DICER1: variants seen among roughly 807,000 people sequenced by gnomAD.
DICER1 encodes dicer 1, ribonuclease III, also known as endoribonuclease Dicer.
In DICER1, 43 loss-of-function variants were observed where a neutral mutation model predicts 194.1. The ratio of observed to expected loss-of-function variants is 0.22; its 90% CI spans 0.17 to 0.29. DICER1 has a LOEUF of 0.29. Among genes scored for constraint, DICER1 ranks in the 10% least tolerant of loss-of-function variants. The pLI is 1.00. For missense variants in DICER1, 1,608 were observed against 2,317.0 expected (o/e 0.69, Z 6.28); for synonymous variants, 832 against 820.5 (o/e 1.01, Z -0.24).
At chr14:95,157,029 G>A (rs1895932722) in intron 1 of DICER1, among the ~76,000 whole-genome samples, 1 of 151,950 alleles carries the variant, frequency 6.6e-6, no homozygotes, top group Admixed American at 6.5e-5. Flanking sequence ...GAGCCGAGGC[G>A]GGCAGACGCC....
chr14:95,138,064 T>C (rs1480546468), intron 1 of DICER1: 1 of 154,462 alleles, frequency 6.5e-6, no homozygotes, highest in Non-Finnish European at 1.5e-5. Context: ...CAGGCCCGGT[T>C]TCACCTCAAG....
Position 95,157,363 on chromosome 14 carries a change from G to T in DICER1, c.-179C>A. ...ATTTCCTCGCGCTCGCCGTCGCCTC[G>T]TCCCCGCTGTCAGGTTACTCCATTC... On this transcript the variant is annotated 5_prime_UTR_variant, in exon 1 of 27. Transcript: ENST00000343455. The T allele has an allele frequency of 6.4e-6, 1 of 155,122 alleles. No homozygotes were observed. The highest frequency in any genetic ancestry group is 1.8e-4 in the South Asian group (1 of 5,532). 9.6% of individuals were successfully genotyped at this position (155,122 alleles called of 1,614,324 possible). A position where few individuals can be genotyped will look rare whatever the true frequency, so the allele number is the denominator to read the frequency against.
intron 22 of DICER1, among the ~76,000 whole-genome samples, chr14:95,097,485 C>T (rs916707661): frequency 6.6e-6 from 1 of 152,192 alleles, no homozygotes; most frequent in South Asian, 2.1e-4. Flanking sequence ...CAATTTCTGT[C>T]AAAAGATCTT....
intron 1 of DICER1, among the ~76,000 whole-genome samples, chr14:95,156,082 T>C (rs1895840245): frequency 6.6e-6 from 1 of 152,220 alleles, no homozygotes; most frequent in Non-Finnish European, 1.5e-5. Flanking sequence ...GGATGTATAT[T>C]TTTATTTAGA....
chr14:95,122,939 C>T (rs138861787), intron 8 of DICER1, among the ~76,000 whole-genome samples: 173 of 144,920 alleles, frequency 1.2e-3, no homozygotes, highest in African/African-American at 4.5e-3. Flanking sequence ...CGTGTACGCG[C>T]GCGCGCGCGC....
intron 1 of DICER1, among the ~76,000 whole-genome samples, chr14:95,135,155 C>CA (rs1158116445): frequency 5.9e-5 from 9 of 152,214 alleles, no homozygotes; most frequent in Non-Finnish European, 1.3e-4. Flanking sequence ...CTGACCTTCT[C>CA]ACCTGGAATC....
At chr14:95,136,828 T>C (rs1029659532) in intron 1 of DICER1, 3 of 152,128 alleles carry the variant, frequency 2.0e-5, no homozygotes, top group African/African-American at 4.8e-5. Context: ...ATGGCAAAAA[T>C]AAAGAACCTG....
At chr14:95,132,810 C>A in intron 2 of DICER1, 133 bp from the exon 3 acceptor site, 1 of 832,436 alleles carries the variant, frequency 1.2e-6, no homozygotes, top group East Asian at 2.7e-5. Context: ...AAAAAAAACC[C>A]CACAGTCTAC....
intron 1 of DICER1, among the ~76,000 whole-genome samples, chr14:95,134,834 C>T (rs2140305973): frequency 6.6e-6 from 1 of 152,264 alleles, no homozygotes; most frequent in South Asian, 2.1e-4. Context: ...AAGCGAAGTA[C>T]CACAGAGTAC....
chr14:95,090,065 C>A lies in DICER1; in HGVS notation c.*433G>T, dbSNP rs10144436. 4,897 of 326,940 alleles carry A rather than the reference C, an allele frequency of 0.015. 217 individuals are homozygous for A. Among genetic ancestry groups the A allele is most frequent in the African/African-American group, 0.095 (4,409 of 46,562 alleles). The allele number at this position is 326,940 out of a possible 1,614,324, so 20.3% of individuals were successfully genotyped here. ...AGCTTATCAACTACTGCAGGACTGG[C>A]ACTACTGCACACACGGAGAGATGGA... On this transcript the variant is annotated 3_prime_UTR_variant, in exon 27 of 27. Coordinates refer to ENST00000343455, the MANE Select transcript of DICER1 (RefSeq NM_177438.3).
Position 95,124,583 on chromosome 14 carries a change from T to G in DICER1, c.989A>C (p.Gln330Pro). Residue 330 changes from glutamine to proline, a missense_variant, in exon 8 of 27, where the codon CAG becomes CCG. Around this residue, in one of 10 missense-constraint regions of DICER1, gnomAD observed 657 missense variants for 910.1 expected, o/e 0.72. Transcript: ENST00000343455. This position sits in a 1 kb window ranked among gnomAD's most constrained non-coding sequence, Gnocchi z 4.5. ...CTCTTGCTCATGTTTGATGTATTTC[T>G]GTAGTTCTCTTACCATCATTCCAGC... ...KVAGMMVREL[Q>P]KYIKHEQEEL... 1 of 1,613,866 alleles carries G rather than the reference T, an allele frequency of 6.2e-7. No individual in the cohort carries two copies. The highest frequency in any genetic ancestry group is 8.5e-7 in the Non-Finnish European group (1 of 1,180,030).
intron 1 of DICER1, among the ~76,000 whole-genome samples, chr14:95,154,854 A>T (rs748255767): frequency 2.2e-5 from 3 of 137,824 alleles, no homozygotes; most frequent in Non-Finnish European, 4.6e-5. Flanking sequence ...TGTTATGTAT[A>T]TTTTACCATG....
chr14:95,098,941 C>A (rs1186342905), intron 22 of DICER1, among the ~76,000 whole-genome samples: 1 of 151,912 alleles, frequency 6.6e-6, no homozygotes, highest in Non-Finnish European at 1.5e-5. Flanking sequence ...ACATGCATCA[C>A]AAAGAAGACA....
chr14:95,131,322 G>A (rs1893930203), intron 4 of DICER1, among the ~76,000 whole-genome samples, 187 bp downstream of exon 4: 1 of 152,092 alleles, frequency 6.6e-6, no homozygotes, highest in African/African-American at 2.4e-5. Context: ...ACTGCATCCG[G>A]CCTTTATTTG....
chr14:95,129,995 A>C, intron 5 of DICER1, 63 bp downstream of exon 5: 1 of 1,531,010 alleles, frequency 6.5e-7, no homozygotes, highest in Non-Finnish European at 9.0e-7. Flanking sequence ...AAATCTAAAA[A>C]CAAAAATCTG....
rs1889329605 is a variant in DICER1, at chr14:95,086,297, T to C, written c.*4201A>G. ...TTACAAAAAAAACAACTAAAGGTAA[T>C]TGTGATCCATAAGGTGCAGACTGCA... is the stretch of plus-strand genomic sequence containing the variant. On this transcript the variant is annotated 3_prime_UTR_variant, in exon 27 of 27. Coordinates refer to ENST00000343455, the MANE Select transcript of DICER1 (RefSeq NM_177438.3). The C allele has an allele frequency of 4.3e-6, 1 of 232,704 alleles. No homozygotes were observed. The highest frequency in any genetic ancestry group is 5.6e-5 in the Admixed American group (1 of 17,774). 14.4% of individuals were successfully genotyped at this position (232,704 alleles called of 1,614,324 possible). A position where few individuals can be genotyped will look rare whatever the true frequency, so the allele number is the denominator to read the frequency against.
intron 6 of DICER1, among the ~76,000 whole-genome samples, chr14:95,127,699 C>T (rs1317620166): frequency 2.6e-5 from 4 of 152,198 alleles, no homozygotes; most frequent in African/African-American, 4.8e-5. Flanking sequence ...TTGAATTTCG[C>T]GTTTTCAGAT....
chr14:95,111,673 T>G (rs1365135362), intron 13 of DICER1, among the ~76,000 whole-genome samples: 1 of 151,788 alleles, frequency 6.6e-6, no homozygotes, highest in African/African-American at 2.4e-5. Context: ...AATTCTGTTC[T>G]AAGGTTCAGA....
intron 3 of DICER1, 70 bp downstream of exon 3, chr14:95,132,443 CAG>C (rs1304828642): frequency 6.7e-7 from 1 of 1,500,994 alleles, no homozygotes; most frequent in Non-Finnish European, 9.3e-7. Flanking sequence ...TTAAGAAACA[CAG>C]AAAATCTGTT....
Sources: gnomAD v4.1 joint callset for allele counts (sites outside exome capture counted in the v4.1 genomes callset) on GRCh38, gnomAD v4.1.1 for gene constraint, gnomAD v4.1.1 regional missense constraint, Gnocchi (gnomAD v3.1) non-coding constraint, MANE v1.5 for transcripts, NCBI Gene and HGNC (gene_info 2026-07-23, HGNC 2026-07-21) for gene names.